CPE: variants seen among roughly 807,000 people sequenced by gnomAD.
CPE encodes the protein carbocypeptidase E.
A neutral mutation model predicts 53.5 loss-of-function variants in CPE; 17 were observed. That is an observed-to-expected ratio of 0.32 (90% CI 0.22 to 0.48). CPE has a LOEUF of 0.48. CPE is among the 20% of genes least tolerant of loss of function. CPE has a pLI of 0.99. For synonymous variants in CPE, 226 were observed against 228.8 expected (o/e 0.99, Z 0.11); for missense variants, 524 against 614.7 (o/e 0.85, Z 1.56).
At chr4:165,426,576 A>C (rs1212626795) in intron 1 of CPE, among the ~76,000 whole-genome samples, 1 of 150,356 alleles carries the variant, frequency 6.7e-6, no homozygotes, top group African/African-American at 2.5e-5. Flanking sequence ...GGCCTATTTT[A>C]TGTAATGTAA....
At chr4:165,485,662 A>G (rs1732494745) in intron 5 of CPE, among the ~76,000 whole-genome samples, 1 of 152,190 alleles carries the variant, frequency 6.6e-6, no homozygotes, top group African/African-American at 2.4e-5. Context: ...TTCCTTTTTG[A>G]ACAAATAGTG....
chr4:165,457,531 A>C (rs535505847), intron 1 of CPE, among the ~76,000 whole-genome samples: 1 of 152,338 alleles, frequency 6.6e-6, no homozygotes, highest in South Asian at 2.1e-4. Flanking sequence ...CTTAGTAGAG[A>C]TATTTTAGAT....
intron 1 of CPE, among the ~76,000 whole-genome samples, chr4:165,435,801 G>T (rs1309116841): frequency 4.6e-5 from 7 of 152,062 alleles, no homozygotes; most frequent in African/African-American, 1.7e-4. Context: ...TTCCTGTTGT[G>T]AATCAGTTCC....
rs1202881927 is a variant in CPE, at chr4:165,389,712, CAAAT to C, written c.307+10190_307+10193del. The stretch of plus-strand genomic sequence containing the variant: ...AATTAAGCTCTGTAAAATTATTTGG[CAAAT>C]AAATATTATTAAATGCCACTAGCAT... On this transcript the variant is annotated intron_variant, in intron 1 of 8. Coordinates refer to ENST00000402744, the MANE Select transcript of CPE (RefSeq NM_001873.4). Among the ~76,000 whole-genome samples the C allele has an allele frequency of 4.6e-5, 7 of 152,044 alleles. No individual in the cohort carries two copies. The East Asian group carries it at 1.4e-3, about 29-fold the overall frequency.
At chr4:165,390,975 A>G (rs1730670189) in intron 1 of CPE, among the ~76,000 whole-genome samples, 1 of 152,172 alleles carries the variant, frequency 6.6e-6, no homozygotes, top group African/African-American at 2.4e-5. Context: ...ATATAGATTC[A>G]GATTACTGGA....
chr4:165,443,106 C>T (rs1406553346), intron 1 of CPE, among the ~76,000 whole-genome samples: 2 of 152,152 alleles, frequency 1.3e-5, no homozygotes, highest in Non-Finnish European at 2.9e-5. Flanking sequence ...ACACGGGCAT[C>T]TCTTGGGGTT....
chr4:165,388,572 A>C (rs1730634135), intron 1 of CPE, among the ~76,000 whole-genome samples: 1 of 152,148 alleles, frequency 6.6e-6, no homozygotes, highest in Non-Finnish European at 1.5e-5. Flanking sequence ...TCACTCTTTC[A>C]CACACGTTGA....
At chr4:165,383,479 C>T (rs1280620150) in intron 1 of CPE, among the ~76,000 whole-genome samples, 2 of 152,160 alleles carry the variant, frequency 1.3e-5, no homozygotes, top group African/African-American at 4.8e-5. Flanking sequence ...GATTAATTTG[C>T]TTAAAACACT....
rs371821599 is a variant in CPE, at chr4:165,393,101, A to G, written c.307+13573A>G. 9.9e-5 allele frequency among the ~76,000 whole-genome samples: 15 copies of G among 152,246 alleles called. 2 individuals carry two copies. The highest frequency in any genetic ancestry group is 3.3e-4 in the Admixed American group (5 of 15,262). On this transcript the variant is annotated intron_variant, in intron 1 of 8. Coordinates refer to ENST00000402744, the MANE Select transcript of CPE (RefSeq NM_001873.4). Reference sequence around the variant, plus strand: ...TTAGGCTAATTTCCAGCAGTTAAGTATAGTTCAATTAGTGTTCTGTTTTGA... The same window carrying G: ...TTAGGCTAATTTCCAGCAGTTAAGTGTAGTTCAATTAGTGTTCTGTTTTGA...
intron 1 of CPE, among the ~76,000 whole-genome samples, chr4:165,401,105 C>T (rs73003631): frequency 0.017 from 2,533 of 152,162 alleles, 54 homozygotes; most frequent in African/African-American, 0.046. Flanking sequence ...ACTTGAAACC[C>T]CACTTCTTTG....
At chr4:165,471,022 A>G (rs978241295) in intron 3 of CPE, among the ~76,000 whole-genome samples, 1 of 152,192 alleles carries the variant, frequency 6.6e-6, no homozygotes, top group Admixed American at 6.5e-5. Context: ...ACTGAGGATC[A>G]TCTGGAGCTT....
intron 1 of CPE, among the ~76,000 whole-genome samples, chr4:165,460,956 A>G (rs2126698251): frequency 6.6e-6 from 1 of 151,584 alleles, no homozygotes; most frequent in East Asian, 1.9e-4. Flanking sequence ...TTTCAAACTG[A>G]GGTGTTAAAA....
chr4:165,459,674 T>TGGGGGG (rs572743841), intron 1 of CPE, among the ~76,000 whole-genome samples: 64 of 56,448 alleles, frequency 1.1e-3, no homozygotes, highest in East Asian at 2.0e-3. Context: ...GAGGGCTGGG[T>TGGGGGG]GGGGGGGGGC....
At chr4:165,429,430 C>G (rs67075652) in intron 1 of CPE, among the ~76,000 whole-genome samples, 2 of 151,886 alleles carry the variant, frequency 1.3e-5, no homozygotes, top group African/African-American at 4.8e-5. Flanking sequence ...TTGCTGGGTG[C>G]GGTGGCTCAC....
intron 3 of CPE, among the ~76,000 whole-genome samples, chr4:165,481,014 A>ATTTT (rs1292540755): frequency 5.7e-5 from 3 of 53,010 alleles, no homozygotes; most frequent in Admixed American, 2.5e-4. Context: ...ATATATATAT[A>ATTTT]TATTTTTTTT....
At position 165,487,586 on chromosome 4, in the gene CPE, AG is replaced by A; in HGVS notation, c.1113+10del. The A allele has an allele frequency of 6.2e-7, 1 of 1,613,696 alleles. No homozygotes were observed. The highest frequency in any genetic ancestry group is 8.5e-7 in the Non-Finnish European group (1 of 1,179,860). ...TTAGCTACCTTGAGCAGGTAAACAC[AG>A]TCCCCAGCATAAAAATGCAAGGTTT... is the stretch of plus-strand genomic sequence containing the variant. On this transcript the variant is annotated intron_variant, in intron 6 of 8. Coordinates refer to ENST00000402744, the MANE Select transcript of CPE (RefSeq NM_001873.4).
chr4:165,496,261 C>G (rs1485399906), intron 8 of CPE, among the ~76,000 whole-genome samples: 2 of 152,146 alleles, frequency 1.3e-5, no homozygotes, highest in African/African-American at 4.8e-5. Flanking sequence ...TCTTGAAAGT[C>G]TAAAAAGCTT....
At chr4:165,465,858 G>T (rs1732088512) in intron 2 of CPE, among the ~76,000 whole-genome samples, 1 of 152,126 alleles carries the variant, frequency 6.6e-6, no homozygotes, top group South Asian at 2.1e-4. Context: ...AAAATAGGTT[G>T]CTGTGATTTA....
intron 1 of CPE, among the ~76,000 whole-genome samples, chr4:165,417,809 C>T (rs1444817317): frequency 6.6e-6 from 1 of 151,480 alleles, no homozygotes; most frequent in Non-Finnish European, 1.5e-5. Flanking sequence ...ATCTCCAGCC[C>T]CTGGTATCGT....
Sources: gnomAD v4.1 joint callset for allele counts (sites outside exome capture counted in the v4.1 genomes callset) on GRCh38, gnomAD v4.1.1 for gene constraint, MANE v1.5 for transcripts, NCBI Gene and HGNC (gene_info 2026-07-23, HGNC 2026-07-21) for gene names.